Variants in CLN6 observed in about 807,000 individuals in gnomAD.
CLN6 encodes CLN6 transmembrane ER protein, also known as ceroid-lipofuscinosis neuronal protein 6.
In CLN6, 22 loss-of-function variants were observed where a neutral mutation model predicts 33.3. The observed-to-expected ratio is 0.66, with a 90% CI of 0.47 to 0.94. CLN6 has a LOEUF of 0.94. Ranked by LOEUF, CLN6 falls within the 40% of genes least tolerant of loss-of-function variation. The probability of loss-of-function intolerance (pLI) is 0.00; values close to 1 mark genes in which losing one functional copy is unlikely to be tolerated. For synonymous variants in CLN6, 201 were observed against 174.6 expected (o/e 1.15, Z -1.19); for missense variants, 387 against 417.1 (o/e 0.93, Z 0.63).
chr15:68,210,562 G>A lies in CLN6; in HGVS notation c.542+701C>T, dbSNP rs2093202107. On this transcript the variant is annotated intron_variant, in intron 5 of 6. Transcript: ENST00000249806. This position sits in a 1 kb window ranked among gnomAD's most constrained non-coding sequence, Gnocchi z 5.6. ...CAGGAGTGAGCCGGGTCCAGGGCTG[G>A]CCCTCACCTCCCAGCTGCAGCCTTC... 6.6e-6 allele frequency among the ~76,000 whole-genome samples: 1 copy of A among 152,156 alleles called. No individual in the cohort carries two copies. Among genetic ancestry groups the A allele is most frequent in the South Asian group, 2.1e-4 (1 of 4,826 alleles).
chr15:68,218,791 C>A, intron 1 of CLN6, 141 bp from the exon 2 acceptor site: 3 of 659,272 alleles, frequency 4.6e-6, no homozygotes, highest in Non-Finnish European at 8.3e-6. Context: ...TAGGGTTTTG[C>A]TGGATATACT....
In CLN6 at chr15:68,211,015, G is replaced by A. The variant is rs2093203309; in HGVS notation, c.542+248C>T. Among the ~76,000 whole-genome samples the A allele has an allele frequency of 6.6e-6, 1 of 152,218 alleles. No individual in the cohort carries two copies. On this transcript the variant is annotated intron_variant, in intron 5 of 6. Coordinates refer to ENST00000249806, the MANE Select transcript of CLN6 (RefSeq NM_017882.3). This position sits in a 1 kb window ranked among gnomAD's most constrained non-coding sequence, Gnocchi z 5.9. ...CACAGCGGGCACTGAGGGCTGGGCG[G>A]GGGTGGCGATGCTGGGGGGATGCTG...
chr15:68,223,736 T>C (rs1253970115), intron 1 of CLN6, among the ~76,000 whole-genome samples: 2 of 148,220 alleles, frequency 1.3e-5, no homozygotes, highest in African/African-American at 2.5e-5. Context: ...CCTAACTTAG[T>C]AGGACAGGAA....
rs1303785267 is a variant in CLN6 at position 68,247,183 on chromosome 15, A to G, written c.179+9507T>C. Among the ~76,000 whole-genome samples the G allele has an allele frequency of 2.0e-5, 3 of 152,132 alleles. No individual in the cohort carries two copies. Among genetic ancestry groups the G allele is most frequent in the Admixed American group, 6.5e-5 (1 of 15,278 alleles). The stretch of plus-strand genomic sequence containing the variant: ...CCATAGCAATTAGGCAAGAGAAAGA[A>G]ATAAAGAGAATCCAATTTGGAAAGG... On this transcript the variant is annotated intron_variant, in intron 1 of 6. Transcript: ENST00000538696. This position sits in a 1 kb window ranked among gnomAD's most constrained non-coding sequence, Gnocchi z 4.2.
intron 1 of CLN6, among the ~76,000 whole-genome samples, chr15:68,238,988 G>C (rs1892254245): frequency 6.6e-6 from 1 of 152,178 alleles, no homozygotes; most frequent in Admixed American, 6.5e-5. Flanking sequence ...GGTTGGTGGG[G>C]AGAGTTAGAC....
rs1395313640 is a variant in CLN6, at chr15:68,236,093, A to G, written c.180-17443T>C. Among the ~76,000 whole-genome samples, 1 of 152,254 alleles carries G rather than the reference A, an allele frequency of 6.6e-6. No homozygotes were observed. Among genetic ancestry groups the G allele is most frequent in the Non-Finnish European group, 1.5e-5 (1 of 68,050 alleles). Reference sequence around the variant, plus strand: ...TCACAGGAAAAAGCAAGGGATGAAAAAGACAAACAATAACACATGTTGGTG... The same window carrying G: ...TCACAGGAAAAAGCAAGGGATGAAAGAGACAAACAATAACACATGTTGGTG... On this transcript the variant is annotated intron_variant, in intron 1 of 6. Transcript: ENST00000538696. The surrounding 1 kb of genome is among the most constrained non-coding windows in gnomAD (Gnocchi z 4.5).
chr15:68,226,844 T>TACAC (rs1176525454), intron 1 of CLN6, among the ~76,000 whole-genome samples: 3 of 32,032 alleles, frequency 9.4e-5, no homozygotes, highest in Admixed American at 8.6e-4. Flanking sequence ...TAAAAAGTGC[T>TACAC]AGTGTTTTTT....
At chr15:68,250,322 TA>T (rs959662383) in intron 1 of CLN6, among the ~76,000 whole-genome samples, 40 of 146,572 alleles carry the variant, frequency 2.7e-4, no homozygotes, top group Middle Eastern at 3.4e-3. Context: ...ATCAGTGGCT[TA>T]AAAAAAAAAA....
chr15:68,224,005 C>T (rs2093245077), intron 1 of CLN6, among the ~76,000 whole-genome samples: 1 of 151,282 alleles, frequency 6.6e-6, no homozygotes, highest in African/African-American at 2.4e-5. Flanking sequence ...AGGATCACGC[C>T]ATTGCACTCC....
At chr15:68,217,881 C>T (rs892819430) in intron 2 of CLN6, among the ~76,000 whole-genome samples, 3 of 71,724 alleles carry the variant, frequency 4.2e-5, no homozygotes, top group East Asian at 1.6e-3. Context: ...ATCTACCTAC[C>T]TACCTACCTA....
chr15:68,209,542 G>A lies in CLN6; in HGVS notation c.665+95C>T, dbSNP rs2093198452. On this transcript the variant is annotated intron_variant, in intron 6 of 6. Coordinates refer to ENST00000249806, the MANE Select transcript of CLN6 (RefSeq NM_017882.3). This position sits in a 1 kb window ranked among gnomAD's most constrained non-coding sequence, Gnocchi z 4.9. ...GGGCCCAAAGAGGGCCAGTCTCCCT[G>A]GGGCCACACAGCAGGTCCATTGGCA... 6.5e-7 allele frequency: 1 copy of A among 1,543,530 alleles called. No homozygotes were observed. Among genetic ancestry groups the A allele is most frequent in the Non-Finnish European group, 8.9e-7 (1 of 1,129,668 alleles).
rs1318364384 is a variant in CLN6 at position 68,219,134 on chromosome 15, A to C, written c.84-484T>G. Among the ~76,000 whole-genome samples, 1 of 152,204 alleles carries C rather than the reference A, an allele frequency of 6.6e-6. No individual in the cohort carries two copies. Among genetic ancestry groups the C allele is most frequent in the Non-Finnish European group, 1.5e-5 (1 of 68,036 alleles). The stretch of plus-strand genomic sequence containing the variant: ...TTTAGAAACGAAAAAACTGAGGCCC[A>C]AGAGGCTCAATAACTTGCTCAAGGT... On this transcript the variant is annotated intron_variant, in intron 1 of 6. Coordinates refer to ENST00000249806, the MANE Select transcript of CLN6 (RefSeq NM_017882.3). This position sits in a 1 kb window ranked among gnomAD's most constrained non-coding sequence, Gnocchi z 4.2.
rs563515957 is a variant in CLN6, at chr15:68,242,524, TAAG to T, written c.179+14163_179+14165del. 1.5e-3 allele frequency among the ~76,000 whole-genome samples: 228 copies of T among 151,736 alleles called. No individual in the cohort carries two copies. The highest frequency in any genetic ancestry group is 5.0e-3 in the South Asian group (24 of 4,794). On this transcript the variant is annotated intron_variant, in intron 1 of 6. Coordinates refer to the CLN6 transcript ENST00000538696. This position sits in a 1 kb window ranked among gnomAD's most constrained non-coding sequence, Gnocchi z 5.0. Reference sequence around the variant, plus strand: ...GTACAGAACTTACTTAAATAAATAATAAGGAGACTCCATCTCAAAATAAATAAA... The same window carrying T: ...GTACAGAACTTACTTAAATAAATAATGAGACTCCATCTCAAAATAAATAAA...
At chr15:68,214,436 G>A (rs780865490) in intron 2 of CLN6, 48 bp from the exon 3 acceptor site, 20 of 1,425,566 alleles carry the variant, frequency 1.4e-5, no homozygotes, top group Admixed American at 1.2e-4. Flanking sequence ...AGCCCCACGC[G>A]GCCCTCGGGC....
chr15:68,219,983 G>A lies in CLN6; in HGVS notation c.84-1333C>T, dbSNP rs1166625831. 1.3e-5 allele frequency among the ~76,000 whole-genome samples: 2 copies of A among 152,192 alleles called. No homozygotes were observed. Among genetic ancestry groups the A allele is most frequent in the Non-Finnish European group, 2.9e-5 (2 of 68,038 alleles). ...AACGACCAGTTACTCCTTTTGTAGT[G>A]GCAAACATTAGCTTAGAGGCACTGC... is the stretch of plus-strand genomic sequence containing the variant. On this transcript the variant is annotated intron_variant, in intron 1 of 6. Transcript: ENST00000249806. The surrounding 1 kb of genome is among the most constrained non-coding windows in gnomAD (Gnocchi z 4.2).
intron 1 of CLN6, 140 bp from the exon 2 acceptor site, chr15:68,218,790 G>A: frequency 4.5e-6 from 3 of 668,362 alleles, no homozygotes; most frequent in Non-Finnish European, 8.1e-6. Flanking sequence ...ATAGGGTTTT[G>A]CTGGATATAC....
Position 68,236,712 on chromosome 15 carries a change from A to T in CLN6, c.180-18062T>A, listed in dbSNP as rs1188647030. Among the ~76,000 whole-genome samples the T allele has an allele frequency of 6.6e-6, 1 of 152,246 alleles. No individual in the cohort carries two copies. Among genetic ancestry groups the T allele is most frequent in the Non-Finnish European group, 1.5e-5 (1 of 68,046 alleles). ...TATACTAAAAACCACTGAATTATAT[A>T]CTTCAAAAGGGTGAATTTTATGACA... On this transcript the variant is annotated intron_variant, in intron 1 of 6. Coordinates refer to the CLN6 transcript ENST00000538696. This position sits in a 1 kb window ranked among gnomAD's most constrained non-coding sequence, Gnocchi z 4.5.
In CLN6 at chr15:68,247,241, A is replaced by T. The variant is rs756449339; in HGVS notation, c.179+9449T>A. ...CAAATTAGACTTGTACACAGAAGACATGATCTTACATTTAGAAAAACCTAA... is the reference window on the plus strand; with the variant it reads ...CAAATTAGACTTGTACACAGAAGACTTGATCTTACATTTAGAAAAACCTAA... On this transcript the variant is annotated intron_variant, in intron 1 of 6. Transcript: ENST00000538696. This position sits in a 1 kb window ranked among gnomAD's most constrained non-coding sequence, Gnocchi z 4.2. Among the ~76,000 whole-genome samples, 23 of 152,294 alleles carry T rather than the reference A, an allele frequency of 1.5e-4. No homozygotes were observed. Among genetic ancestry groups the T allele is most frequent in the Middle Eastern group, 3.4e-3 (1 of 294 alleles).
At chr15:68,221,802 G>GCCA (rs2093236947) in intron 1 of CLN6, among the ~76,000 whole-genome samples, 1 of 130,022 alleles carries the variant, frequency 7.7e-6, no homozygotes, top group African/African-American at 3.0e-5. Context: ...CTGCCCGGCC[G>GCCA]CCCCGTCTGG....
Sources: allele counts gnomAD v4.1 joint callset (sites outside exome capture counted in the v4.1 genomes callset), GRCh38; gene constraint gnomAD v4.1.1; non-coding constraint Gnocchi (gnomAD v3.1); transcripts MANE v1.5; gene names NCBI Gene and HGNC (gene_info 2026-07-23, HGNC 2026-07-21).